The following GALNT13 variants were observed in gnomAD, a reference collection of about 807,000 sequenced individuals.
GALNT13 encodes UDP-GalNAc:polypeptide N-acetylgalactosaminyltransferase 13.
In GALNT13, 28 loss-of-function variants were observed where a neutral mutation model predicts 64.2. The observed-to-expected ratio is 0.44, with a 90% CI of 0.32 to 0.60. The LOEUF (loss-of-function observed/expected upper bound fraction) is 0.60, where lower values mean the gene tolerates loss of function less well. GALNT13 is among the 20% of genes least tolerant of loss of function. GALNT13 has a pLI of 0.05. For synonymous variants in GALNT13, 214 were observed against 224.6 expected (o/e 0.95, Z 0.42); for missense variants, 577 against 669.8 (o/e 0.86, Z 1.53).
At chr2:153,790,671 T>C in the GALNT13 span, among the ~76,000 whole-genome samples, 1 of 152,328 alleles carries the variant, frequency 6.6e-6, no homozygotes, top group South Asian at 2.1e-4. Context: ...TATCCCTGTT[T>C]GCAGATGACA....
chr2:154,282,514 A>T (rs1006697155), intron 8 of GALNT13, among the ~76,000 whole-genome samples: 1 of 152,178 alleles, frequency 6.6e-6, no homozygotes, highest in Admixed American at 6.5e-5. Context: ...AATCATAAAT[A>T]TATGGCCAAA....
At chr2:154,159,117 T>A (rs1012313141) in intron 4 of GALNT13, among the ~76,000 whole-genome samples, 1 of 151,734 alleles carries the variant, frequency 6.6e-6, no homozygotes, top group African/African-American at 2.4e-5. Flanking sequence ...TTATTATTTA[T>A]TTTATTTATT....
the GALNT13 span, among the ~76,000 whole-genome samples, chr2:153,556,336 T>TA: frequency 2.6e-5 from 4 of 152,216 alleles, no homozygotes; most frequent in South Asian, 6.2e-4. Flanking sequence ...CTTCAGTCTA[T>TA]AAACTTTACA....
the GALNT13 span, among the ~76,000 whole-genome samples, chr2:153,074,422 C>T: frequency 6.6e-6 from 1 of 152,052 alleles, no homozygotes; most frequent in Non-Finnish European, 1.5e-5. Context: ...TGTTACTTAA[C>T]AATGGGGATA....
chr2:153,924,815 C>T (rs183398152), intron 2 of GALNT13, among the ~76,000 whole-genome samples: 37 of 152,058 alleles, frequency 2.4e-4, no homozygotes, highest in African/African-American at 6.0e-4. Context: ...TGATCCGTGA[C>T]GTTGAGCTTT....
chr2:153,411,557 G>T, the GALNT13 span, among the ~76,000 whole-genome samples: 3 of 152,172 alleles, frequency 2.0e-5, no homozygotes, highest in African/African-American at 7.2e-5. Context: ...TGAAAGAACT[G>T]AAACACTTCA....
chr2:153,728,532 T>A, the GALNT13 span, among the ~76,000 whole-genome samples: 2 of 152,130 alleles, frequency 1.3e-5, no homozygotes, highest in South Asian at 2.1e-4. Flanking sequence ...AATGCCCATA[T>A]CAGAAAGCTA....
chr2:153,122,777 G>T, the GALNT13 span, among the ~76,000 whole-genome samples: 93 of 152,118 alleles, frequency 6.1e-4, no homozygotes, highest in Non-Finnish European at 1.2e-3. Flanking sequence ...GCTGGAATCT[G>T]CATCTTTACC....
At chr2:153,582,533 T>C in the GALNT13 span, among the ~76,000 whole-genome samples, 1 of 152,106 alleles carries the variant, frequency 6.6e-6, no homozygotes, top group East Asian at 1.9e-4. Context: ...GATATATATC[T>C]CTCCCATTTT....
chr2:153,190,038 A>G, the GALNT13 span, among the ~76,000 whole-genome samples: 2 of 152,036 alleles, frequency 1.3e-5, no homozygotes. Context: ...TCCATTCAGC[A>G]GGTTGTCTCT....
At chr2:154,321,943 C>T (rs577344986) in intron 9 of GALNT13, among the ~76,000 whole-genome samples, 3 of 151,942 alleles carry the variant, frequency 2.0e-5, no homozygotes, top group Admixed American at 6.6e-5. Context: ...GGATAACAAA[C>T]TGAAAATCTG....
chr2:154,098,316 T>C (rs1440477594), intron 3 of GALNT13, among the ~76,000 whole-genome samples: 4 of 151,902 alleles, frequency 2.6e-5, no homozygotes, highest in Admixed American at 2.6e-4. Flanking sequence ...CCCTCCTCCT[T>C]CTATTATAAA....
chr2:154,104,317 C>T (rs1045174504), intron 3 of GALNT13, among the ~76,000 whole-genome samples: 1 of 152,134 alleles, frequency 6.6e-6, no homozygotes, highest in African/African-American at 2.4e-5. Flanking sequence ...CTGGTCTGCC[C>T]TCCGATGCAA....
the GALNT13 span, among the ~76,000 whole-genome samples, chr2:153,574,908 G>T: frequency 6.6e-6 from 1 of 151,982 alleles, no homozygotes; most frequent in Non-Finnish European, 1.5e-5. Context: ...ATGTTTTCCT[G>T]TATGGTATTG....
At chr2:153,879,880 G>A (rs1686664918) in intron 1 of GALNT13, among the ~76,000 whole-genome samples, 2 of 152,098 alleles carry the variant, frequency 1.3e-5, no homozygotes, top group South Asian at 4.1e-4. Flanking sequence ...AGTAAACATG[G>A]AAAAATCAGA....
At chr2:153,824,983 A>C in the GALNT13 span, among the ~76,000 whole-genome samples, 1 of 152,174 alleles carries the variant, frequency 6.6e-6, no homozygotes, top group African/African-American at 2.4e-5. Context: ...GTAGTTCTTT[A>C]TAAATTACCC....
intron 8 of GALNT13, among the ~76,000 whole-genome samples, chr2:154,260,156 G>T (rs553419609): frequency 2.6e-5 from 4 of 152,050 alleles, no homozygotes; most frequent in African/African-American, 7.2e-5. Context: ...AAAGAGTTGC[G>T]ATTACAGGCA....
chr2:153,614,395 A>G, the GALNT13 span, among the ~76,000 whole-genome samples: 3 of 152,086 alleles, frequency 2.0e-5, no homozygotes, highest in African/African-American at 7.2e-5. Context: ...ACTTGCCGTT[A>G]TAATTATCAT....
intron 9 of GALNT13, among the ~76,000 whole-genome samples, chr2:154,363,027 T>A (rs899335032): frequency 6.6e-6 from 1 of 152,232 alleles, no homozygotes; most frequent in African/African-American, 2.4e-5. Flanking sequence ...TCTCATTTAC[T>A]TTAACCCAGA....
Sources: allele counts gnomAD v4.1 joint callset (sites outside exome capture counted in the v4.1 genomes callset), GRCh38; gene constraint gnomAD v4.1.1; transcripts MANE v1.5; gene names NCBI Gene and HGNC (gene_info 2026-07-23, HGNC 2026-07-21).